Variants in ZPR1 observed in about 807,000 individuals in gnomAD.
The protein encoded by ZPR1 is zinc finger protein ZPR1.
ZPR1 carries 37 observed loss-of-function variants against 59.6 expected under a neutral mutation model. That is an observed-to-expected ratio of 0.62 (90% CI 0.48 to 0.82). ZPR1 has a LOEUF of 0.82. Ranked by LOEUF, ZPR1 falls within the 40% of genes least tolerant of loss-of-function variation. The pLI is 0.00. For synonymous variants in ZPR1, 191 were observed against 215.2 expected (o/e 0.89, Z 0.99); for missense variants, 527 against 579.9 (o/e 0.91, Z 0.94).
chr11:116,783,860 TAA>T (rs11355367), intron 9 of ZPR1, among the ~76,000 whole-genome samples: 16,400 of 126,298 alleles, frequency 0.13, 1,026 homozygotes, highest in South Asian at 0.27. Context: ...GAATTTACCT[TAA>T]AAAAAAAAAA....
Position 116,782,223 on chromosome 11 carries a change from G to T in ZPR1, c.1114C>A (p.Leu372Met). The T allele has an allele frequency of 6.2e-7, 1 of 1,614,106 alleles. No homozygotes were observed. Among genetic ancestry groups the T allele is most frequent in the Non-Finnish European group, 8.5e-7 (1 of 1,179,998 alleles). The stretch of plus-strand genomic sequence containing the variant: ...TGTCCAGGATTGGAACTGTCGCCCA[G>T]TGTGAAAGGATTTTTGGTCACCTGC... Reference protein sequence around the residue: ...RELVTKNPFTLGDSSNPGQTE... With the variant: ...RELVTKNPFTMGDSSNPGQTE... Residue 372 changes from leucine to methionine, a missense_variant, in exon 12 of 14, where the codon CTG becomes ATG. Physicochemically the swap from Leu to Met is conservative, Grantham distance 15 (BLOSUM62 2). Coordinates refer to ENST00000227322, the MANE Select transcript of ZPR1 (RefSeq NM_003904.5).
Position 116,775,782 on chromosome 11 carries a change from G to C in ZPR1, c.*3143C>G, listed in dbSNP as rs1940715606. The C allele has an allele frequency of 1.2e-5, 2 of 166,798 alleles. No individual in the cohort carries two copies. Among genetic ancestry groups the C allele is most frequent in the Admixed American group, 1.3e-4 (2 of 15,266 alleles). 10.3% of individuals were successfully genotyped at this position (166,798 alleles called of 1,614,324 possible). ...GACTAGGAAAACAAGCATTGGAAGT[G>C]CCAATACTAAACTGAGGTGAACGCA... is the stretch of plus-strand genomic sequence containing the variant. On this transcript the variant is annotated 3_prime_UTR_variant, in exon 14 of 14. Coordinates refer to ENST00000227322, the MANE Select transcript of ZPR1 (RefSeq NM_003904.5).
chr11:116,785,163 G>C lies in ZPR1; in HGVS notation c.706-17C>G, dbSNP rs1940865013. The C allele has an allele frequency of 6.2e-7, 1 of 1,613,650 alleles. No individual in the cohort carries two copies. Among genetic ancestry groups the C allele is most frequent in the African/African-American group, 1.3e-5 (1 of 74,936 alleles). ...TGCTTCTTCCTAAAATAGCAAAGATGCAGGTCGCAAGTTGGCAGGTATACC... is the reference window on the plus strand; with the variant it reads ...TGCTTCTTCCTAAAATAGCAAAGATCCAGGTCGCAAGTTGGCAGGTATACC... On this transcript the variant is annotated splice_polypyrimidine_tract_variant and intron_variant, in intron 6 of 13. Transcript: ENST00000227322.
intron 2 of ZPR1, 59 bp from the exon 3 acceptor site, chr11:116,787,118 A>G (rs1324348418): frequency 3.4e-6 from 5 of 1,455,330 alleles, no homozygotes; most frequent in Non-Finnish European, 4.8e-6. Context: ...CTCCTCAAGT[A>G]ATAACCAGAC....
rs930941608 is a variant in ZPR1 at position 116,778,222 on chromosome 11, C to G, written c.*703G>C. ...TCCTGATCTGTTTATTGTCATTTTTCCCCACTAGACTTCAAGTTCCATGAA... is the reference window on the plus strand; with the variant it reads ...TCCTGATCTGTTTATTGTCATTTTTGCCCACTAGACTTCAAGTTCCATGAA... On this transcript the variant is annotated 3_prime_UTR_variant, in exon 14 of 14. Coordinates refer to ENST00000227322, the MANE Select transcript of ZPR1 (RefSeq NM_003904.5). The G allele has an allele frequency of 6.6e-6, 1 of 152,330 alleles. No individual in the cohort carries two copies. Among genetic ancestry groups the G allele is most frequent in the African/African-American group, 2.4e-5 (1 of 41,554 alleles). 9.4% of individuals were successfully genotyped at this position (152,330 alleles called of 1,614,324 possible).
Position 116,773,845 on chromosome 11 carries a change from C to G in ZPR1, c.*5080G>C, listed in dbSNP as rs1186360762. On this transcript the variant is annotated 3_prime_UTR_variant, in exon 14 of 14. Transcript: ENST00000227322. ...TTTATTCTTTGCAGGGGGTTTAGAG[C>G]TTTACCTGAATTATCTCATTTAACC... The G allele has an allele frequency of 6.6e-6, 1 of 152,152 alleles. No individual in the cohort carries two copies. The highest frequency in any genetic ancestry group is 1.5e-5 in the Non-Finnish European group (1 of 68,028). 9.4% of individuals were successfully genotyped at this position (152,152 alleles called of 1,614,324 possible).
chr11:116,787,496 C>T lies in ZPR1; in HGVS notation c.319G>A (p.Val107Ile). The T allele has an allele frequency of 6.2e-7, 1 of 1,613,876 alleles. No individual in the cohort carries two copies. Among genetic ancestry groups the T allele is most frequent in the Non-Finnish European group, 8.5e-7 (1 of 1,179,802 alleles). Residue 107 changes from valine to isoleucine, a missense_variant, in exon 2 of 14, where the codon GTC (valine) becomes ATC (isoleucine). Val to Ile is a conservative substitution (Grantham distance 29). Coordinates refer to ENST00000227322, the MANE Select transcript of ZPR1 (RefSeq NM_003904.5). ...GGTCCTCTCACCTCCAGAGCCCTGA[C>T]AGACAAAGTGTAGCGCACTCCCTGG... ...QDQGVRYTLS[V>I]RALEDMNREV...
At chr11:116,787,096 G>T in intron 2 of ZPR1, 37 bp from the exon 3 acceptor site, 1 of 1,550,704 alleles carries the variant, frequency 6.4e-7, no homozygotes, top group Non-Finnish European at 8.9e-7. Flanking sequence ...CAAAGAGACT[G>T]CAGAACAGCT....
chr11:116,777,060 T>C lies in ZPR1; in HGVS notation c.*1865A>G, dbSNP rs936804083. 1 of 152,158 alleles carries C rather than the reference T, an allele frequency of 6.6e-6. No homozygotes were observed. Among genetic ancestry groups the C allele is most frequent in the Non-Finnish European group, 1.5e-5 (1 of 68,038 alleles). The allele number at this position is 152,158 out of a possible 1,614,324, so 9.4% of individuals were successfully genotyped here. A position where few individuals can be genotyped will look rare whatever the true frequency, so the allele number is the denominator to read the frequency against. The stretch of plus-strand genomic sequence containing the variant: ...AGGTATGGAAGTTAGTCCCACATGA[T>C]AGTAAGATGCCAAAGAATCTGATAT... On this transcript the variant is annotated 3_prime_UTR_variant, in exon 14 of 14. Coordinates refer to ENST00000227322, the MANE Select transcript of ZPR1 (RefSeq NM_003904.5).
In ZPR1 at chr11:116,783,044, G is replaced by A. The variant is rs1940832527; in HGVS notation, c.982-15C>T. ...CAAGTCTCAGACTGTGAAATGAGAG[G>A]TCAGTTTAAGCTTTAAGTCAGAAGC... On this transcript the variant is annotated splice_polypyrimidine_tract_variant and intron_variant, in intron 10 of 13. Coordinates refer to ENST00000227322, the MANE Select transcript of ZPR1 (RefSeq NM_003904.5). The A allele has an allele frequency of 2.5e-6, 4 of 1,603,556 alleles. No homozygotes were observed. The highest frequency in any genetic ancestry group is 3.4e-6 in the Non-Finnish European group (4 of 1,170,474).
chr11:116,779,034 G>T lies in ZPR1; in HGVS notation c.1271C>A (p.Pro424His). The change falls in exon 14 of 14, where the codon CCT becomes CAT. Residue 424 changes from proline (P) to histidine (H), a missense_variant. Coordinates refer to ENST00000227322, the MANE Select transcript of ZPR1 (RefSeq NM_003904.5). ...LQNVYAPEDDPEMKVERYKRT... is the reference protein window; with the variant it reads ...LQNVYAPEDDHEMKVERYKRT... ...CTTGTAACGCTCCACCTTCATCTCA[G>T]GATCATCTTCAGGCGCATACACATT... The T allele has an allele frequency of 1.9e-6, 3 of 1,614,150 alleles. No homozygotes were observed. Among genetic ancestry groups the T allele is most frequent in the Non-Finnish European group, 1.7e-6 (2 of 1,180,046 alleles).
intron 8 of ZPR1, 96 bp from the exon 9 acceptor site, chr11:116,784,544 C>T (rs765638546): frequency 1.7e-6 from 2 of 1,205,344 alleles, no homozygotes; most frequent in South Asian, 2.5e-5. Context: ...ATGCTGGTCC[C>T]AGAACTGCAG....
rs1182178141 is a variant in ZPR1, at chr11:116,778,987, C to G, written c.1318G>C (p.Glu440Gln). The G allele has an allele frequency of 6.2e-7, 1 of 1,614,216 alleles. No individual in the cohort carries two copies. The highest frequency in any genetic ancestry group is 1.7e-5 in the Admixed American group (1 of 60,032). ...RYKRTFDQNE[E>Q]LGLNDMKTEG... ...GTCTTCATGTCATTGAGCCCTAGCT[C>G]CTCATTTTGGTCAAAGGTGCGCTTG... Residue 440 changes from glutamate to glutamine, a missense_variant, in exon 14 of 14, where the codon GAG (glutamate) becomes CAG (glutamine). Transcript: ENST00000227322.
At position 116,787,775 on chromosome 11, in the gene ZPR1, A is replaced by G; in HGVS notation, c.171+45T>C. On this transcript the variant is annotated intron_variant, in intron 1 of 13. Transcript: ENST00000227322. Reference sequence around the variant, plus strand: ...GGTCTGACCCCCGGCTCGTCCCGGCACAAGCCCTACCCACCCGCCGCTCGC... The same window carrying G: ...GGTCTGACCCCCGGCTCGTCCCGGCGCAAGCCCTACCCACCCGCCGCTCGC... The G allele has an allele frequency of 2.0e-6, 3 of 1,527,916 alleles. No homozygotes were observed. The South Asian group carries it at 3.7e-5, about 19-fold the overall frequency. 94.6% of individuals were successfully genotyped at this position (1,527,916 alleles called of 1,614,324 possible). A position where few individuals can be genotyped will look rare whatever the true frequency, so the allele number is the denominator to read the frequency against.
In ZPR1 at chr11:116,776,640, A is replaced by C. The variant is rs1940728477; in HGVS notation, c.*2285T>G. ...CACCTGGTCCTCAGTCTTCAAGTTCAGAAACTCAGGTCATCATTTCCTAGG... is the reference window on the plus strand; with the variant it reads ...CACCTGGTCCTCAGTCTTCAAGTTCCGAAACTCAGGTCATCATTTCCTAGG... On this transcript the variant is annotated 3_prime_UTR_variant, in exon 14 of 14. Coordinates refer to ENST00000227322, the MANE Select transcript of ZPR1 (RefSeq NM_003904.5). 6.6e-6 allele frequency: 1 copy of C among 152,268 alleles called. No homozygotes were observed. The highest frequency in any genetic ancestry group is 1.5e-5 in the Non-Finnish European group (1 of 68,056). 9.4% of individuals were successfully genotyped at this position (152,268 alleles called of 1,614,324 possible). A position where few individuals can be genotyped will look rare whatever the true frequency, so the allele number is the denominator to read the frequency against.
rs1331600781 is a variant in ZPR1, at chr11:116,776,534, A to AT, written c.*2390dup. On this transcript the variant is annotated 3_prime_UTR_variant, in exon 14 of 14. Coordinates refer to ENST00000227322, the MANE Select transcript of ZPR1 (RefSeq NM_003904.5). ...GAAATGAGAAAGGAGCTGAAAGATA[A>AT]TTCAAGAGAAGGGTATGAAACTGAA... The AT allele has an allele frequency of 2.6e-5, 4 of 152,238 alleles. No individual in the cohort carries two copies. The highest frequency in any genetic ancestry group is 2.0e-4 in the Admixed American group (3 of 15,282). The allele number at this position is 152,238 out of a possible 1,614,324, so 9.4% of individuals were successfully genotyped here. A position where few individuals can be genotyped will look rare whatever the true frequency, so the allele number is the denominator to read the frequency against.
In ZPR1 at chr11:116,786,495, G is replaced by A; in HGVS notation, c.495+16C>T. 1 of 1,614,130 alleles carries A rather than the reference G, an allele frequency of 6.2e-7. No homozygotes were observed. The highest frequency in any genetic ancestry group is 2.2e-5 in the East Asian group (1 of 44,884). On this transcript the variant is annotated intron_variant, in intron 4 of 13. Transcript: ENST00000227322. Reference sequence around the variant, plus strand: ...ATTATTCCTTGAGCTGCTACAATCAGAAAACCCCAGCTTACCCTTCGTGCA... The same window carrying A: ...ATTATTCCTTGAGCTGCTACAATCAAAAAACCCCAGCTTACCCTTCGTGCA...
chr11:116,784,279 A>T, intron 9 of ZPR1, 99 bp downstream of exon 9: 1 of 1,276,382 alleles, frequency 7.8e-7, no homozygotes. Context: ...GCTACTCTAC[A>T]CCCCCTGCCC....
chr11:116,779,807 T>C lies in ZPR1; in HGVS notation c.1210A>G (p.Ile404Val), dbSNP rs768087741. The C allele has an allele frequency of 3.7e-6, 6 of 1,603,306 alleles. No individual in the cohort carries two copies. In the East Asian group the frequency reaches 1.4e-4, roughly 36 times the overall value. Reference sequence around the variant, plus strand: ...CTGTTTCCTGCTGGATCATCCATAATAAAGTGGGCCTTCATGTTACCTTCG... The same window carrying C: ...CTGTTTCCTGCTGGATCATCCATAACAAAGTGGGCCTTCATGTTACCTTCG... ...IIEGNMKAHF[I>V]MDDPAGNSYL... Residue 404 changes from isoleucine (I) to valine (V), a missense_variant, in exon 13 of 14, where the codon ATT becomes GTT. Ile to Val is a conservative substitution (Grantham distance 29, BLOSUM62 3). Transcript: ENST00000227322.
Sources: allele counts gnomAD v4.1 joint callset (sites outside exome capture counted in the v4.1 genomes callset), GRCh38; gene constraint gnomAD v4.1.1; transcripts MANE v1.5; gene names NCBI Gene and HGNC (gene_info 2026-07-23, HGNC 2026-07-21).